The following GALNT15 variants were observed in gnomAD, a reference collection of about 807,000 sequenced individuals.
The protein encoded by GALNT15 is UDP-GalNAc transferase T15.
GALNT15 carries 67 observed loss-of-function variants against 66.8 expected under a neutral mutation model. That is an observed-to-expected ratio of 1.00 (90% CI 0.82 to 1.23). The LOEUF (loss-of-function observed/expected upper bound fraction) is 1.23, where lower values mean the gene tolerates loss of function less well. GALNT15 is among the 50% of genes most tolerant of loss of function. The probability of loss-of-function intolerance (pLI) is 0.00; values close to 1 mark genes in which losing one functional copy is unlikely to be tolerated. For missense variants in GALNT15, 827 were observed against 804.3 expected, an observed-to-expected ratio of 1.03 and a Z score of -0.34; for synonymous variants, 313 against 311.5, an observed-to-expected ratio of 1.00 and a Z score of -0.05.
chr3:16,232,451 AAAAT>A (rs1194898714), downstream of GALNT15, among the ~76,000 whole-genome samples: 203 of 67,554 alleles, frequency 3.0e-3, 7 homozygotes, highest in African/African-American at 4.0e-3. Context: ...GCCTGGCCTC[AAAAT>A]AAATAAATAA....
intron 9 of GALNT15, among the ~76,000 whole-genome samples, chr3:16,226,399 GA>G (rs59236720): frequency 0.12 from 17,462 of 151,194 alleles, 1,513 homozygotes; most frequent in African/African-American, 0.24. Context: ...GGTAGTTTAT[GA>G]AAAAAAAAGA....
chr3:16,234,477 T>C (rs1285556954), downstream of GALNT15, among the ~76,000 whole-genome samples: 1 of 152,202 alleles, frequency 6.6e-6, no homozygotes, highest in East Asian at 1.9e-4. Context: ...ACCTCTCCCA[T>C]GGGATAGCTC....
At position 16,181,789 on chromosome 3, in the gene GALNT15, C is replaced by A. The variant is rs558762465; in HGVS notation, c.539+6099C>A. Among the ~76,000 whole-genome samples the A allele has an allele frequency of 6.6e-6, 1 of 152,142 alleles. No homozygotes were observed. The highest frequency in any genetic ancestry group is 2.4e-5 in the African/African-American group (1 of 41,430). ...AATTCCCCCCACAAGAGAGGGAAGA[C>A]AACCCAGTATGGGCAGTGTGAGTGG... On this transcript the variant is annotated intron_variant, in intron 1 of 9. Coordinates refer to ENST00000339732, the MANE Select transcript of GALNT15 (RefSeq NM_054110.5). The surrounding 1 kb of genome is among the most constrained non-coding windows in gnomAD (Gnocchi z 5.9).
chr3:16,194,483 G>A (rs2063611512), intron 1 of GALNT15, among the ~76,000 whole-genome samples: 1 of 152,118 alleles, frequency 6.6e-6, no homozygotes. Flanking sequence ...CAATTTTGTA[G>A]GTTGTCTGTT....
In GALNT15 at chr3:16,219,296, C is replaced by T. The variant is rs2124897930; in HGVS notation, c.1393-107C>T. The T allele has an allele frequency of 6.8e-7, 1 of 1,461,056 alleles. No homozygotes were observed. Among genetic ancestry groups the T allele is most frequent in the East Asian group, 2.3e-5 (1 of 44,192 alleles). 90.5% of individuals were successfully genotyped at this position (1,461,056 alleles called of 1,614,324 possible). A position where few individuals can be genotyped will look rare whatever the true frequency, so the allele number is the denominator to read the frequency against. ...GGAGAACTGTGGTCTTGGCCCCTTCCTTCTGTCCTGATCCTTTAGCTTCTT... is the reference window on the plus strand; with the variant it reads ...GGAGAACTGTGGTCTTGGCCCCTTCTTTCTGTCCTGATCCTTTAGCTTCTT... On this transcript the variant is annotated intron_variant, in intron 6 of 9. Coordinates refer to ENST00000339732, the MANE Select transcript of GALNT15 (RefSeq NM_054110.5). The surrounding 1 kb of genome is among the most constrained non-coding windows in gnomAD (Gnocchi z 4.3).
intron 1 of GALNT15, among the ~76,000 whole-genome samples, chr3:16,179,507 G>C (rs1212406114): frequency 6.6e-6 from 1 of 152,174 alleles, no homozygotes; most frequent in Non-Finnish European, 1.5e-5. Flanking sequence ...TGAGGAGCTG[G>C]AAGCCACCAG....
intron 1 of GALNT15, among the ~76,000 whole-genome samples, chr3:16,194,525 G>A (rs896057150): frequency 1.2e-4 from 19 of 152,192 alleles, no homozygotes; most frequent in Admixed American, 1.2e-3. Context: ...GTGCAGAAGT[G>A]CACATGTATG....
chr3:16,239,818 A>G, the GALNT15 span, among the ~76,000 whole-genome samples: 2 of 152,170 alleles, frequency 1.3e-5, no homozygotes, highest in African/African-American at 4.8e-5. This position sits in a 1 kb window ranked among gnomAD's most constrained non-coding sequence, Gnocchi z 5.2. Flanking sequence ...TTCCCATGGG[A>G]TATATGATGA....
intron 3 of GALNT15, among the ~76,000 whole-genome samples, chr3:16,201,619 A>G (rs1017577019): frequency 6.6e-6 from 1 of 152,196 alleles, no homozygotes; most frequent in Non-Finnish European, 1.5e-5. Flanking sequence ...TTGTTTCCCC[A>G]GTTTATATAA....
intron 3 of GALNT15, among the ~76,000 whole-genome samples, chr3:16,206,671 T>TG (rs1290734087): frequency 1.7e-5 from 1 of 60,046 alleles, no homozygotes; most frequent in Non-Finnish European, 3.3e-5. Context: ...AGACTCTGTC[T>TG]AAAAAAAAAA....
At chr3:16,233,199 G>A (rs367638671), downstream of GALNT15, among the ~76,000 whole-genome samples, 2 of 146,718 alleles carry the variant, frequency 1.4e-5, no homozygotes, top group East Asian at 2.0e-4. Context: ...GGGTTCAAGC[G>A]ATTCTCTGCC....
In GALNT15 at chr3:16,229,342, T is replaced by G. The variant is rs1314969811; in HGVS notation, c.*1842T>G. 2 of 909,954 alleles carry G rather than the reference T, an allele frequency of 2.2e-6. No homozygotes were observed. The highest frequency in any genetic ancestry group is 2.6e-6 in the Non-Finnish European group (2 of 761,436). 56.4% of individuals were successfully genotyped at this position (909,954 alleles called of 1,614,324 possible). A position where few individuals can be genotyped will look rare whatever the true frequency, so the allele number is the denominator to read the frequency against. The stretch of plus-strand genomic sequence containing the variant: ...GAAATCCATTAAAATCAAAGAAAAT[T>G]TAAAACTCAATTCCTCAATTGGGCT... On this transcript the variant is annotated 3_prime_UTR_variant, in exon 10 of 10. Coordinates refer to ENST00000339732, the MANE Select transcript of GALNT15 (RefSeq NM_054110.5).
Position 16,188,114 on chromosome 3 carries a change from T to C in GALNT15, c.540-7646T>C, listed in dbSNP as rs1350910095. 6.6e-6 allele frequency among the ~76,000 whole-genome samples: 1 copy of C among 152,120 alleles called. No individual in the cohort carries two copies. The highest frequency in any genetic ancestry group is 2.4e-5 in the African/African-American group (1 of 41,436). ...CGTCGTCCAGGGCATGTGGCACATC[T>C]AGCACATCTAGCCTCACGCTCTTCC... On this transcript the variant is annotated intron_variant, in intron 1 of 9. Transcript: ENST00000339732. The surrounding 1 kb of genome is among the most constrained non-coding windows in gnomAD (Gnocchi z 4.6).
At chr3:16,199,695 G>A (rs2063678477) in intron 2 of GALNT15, among the ~76,000 whole-genome samples, 1 of 97,286 alleles carries the variant, frequency 1.0e-5, no homozygotes, top group South Asian at 2.9e-4. Context: ...TGATCCCATG[G>A]GGGACTCTGG....
chr3:16,232,465 AATAAATATATATATATAT>A (rs1314624354), downstream of GALNT15, among the ~76,000 whole-genome samples: 3 of 28,636 alleles, frequency 1.0e-4, no homozygotes, highest in African/African-American at 3.4e-4. Flanking sequence ...TAAATAAATA[AATAAATATATATATATAT>A]ATATATATAT....
At chr3:16,236,398 G>A (rs532364129), downstream of GALNT15, among the ~76,000 whole-genome samples, 7 of 152,268 alleles carry the variant, frequency 4.6e-5, no homozygotes, top group East Asian at 3.9e-4. Context: ...AAAAGGAGCC[G>A]AGCCATGGAC....
chr3:16,241,198 A>G, the GALNT15 span, among the ~76,000 whole-genome samples: 14 of 152,214 alleles, frequency 9.2e-5, no homozygotes, highest in Admixed American at 2.0e-4. The surrounding 1 kb of genome is among the most constrained non-coding windows in gnomAD (Gnocchi z 4.6). Context: ...ACTTTAAACA[A>G]ATTTTGCTTA....
At position 16,203,543 on chromosome 3, in the gene GALNT15, T is replaced by TCTCTCTCTCTCTCACACA. The variant is rs1491187404; in HGVS notation, c.911+2721_911+2722insTCTCTCTCTCTCACACAC. ...CATTCTCTCTCTCTCTCTCTCTCTC[T>TCTCTCTCTCTCTCACACA]CACACACACACACACACACACACAC... On this transcript the variant is annotated intron_variant, in intron 3 of 9. Coordinates refer to ENST00000339732, the MANE Select transcript of GALNT15 (RefSeq NM_054110.5). This position sits in a 1 kb window ranked among gnomAD's most constrained non-coding sequence, Gnocchi z 6.2. 3.3e-5 allele frequency among the ~76,000 whole-genome samples: 2 copies of TCTCTCTCTCTCTCACACA among 61,106 alleles called. No individual in the cohort carries two copies. Among genetic ancestry groups the TCTCTCTCTCTCTCACACA allele is most frequent in the African/African-American group, 1.1e-4 (2 of 18,252 alleles). The allele number at this position is 61,106 out of a possible 152,430, so 40.1% of individuals were successfully genotyped here. A position where few individuals can be genotyped will look rare whatever the true frequency, so the allele number is the denominator to read the frequency against.
chr3:16,227,990 G>T lies in GALNT15; in HGVS notation c.*490G>T. 1 of 990,682 alleles carries T rather than the reference G, an allele frequency of 1.0e-6. No individual in the cohort carries two copies. Among genetic ancestry groups the T allele is most frequent in the Non-Finnish European group, 1.2e-6 (1 of 833,552 alleles). The allele number at this position is 990,682 out of a possible 1,614,324, so 61.4% of individuals were successfully genotyped here. On this transcript the variant is annotated 3_prime_UTR_variant, in exon 10 of 10. Transcript: ENST00000339732. This position sits in a 1 kb window ranked among gnomAD's most constrained non-coding sequence, Gnocchi z 4.5. ...CTGAATTGGGTTTATTAGCACAAAT[G>T]TTGTGTTCATTTGTTGAGCCATATC...
Sources: gnomAD v4.1 joint callset for allele counts (sites outside exome capture counted in the v4.1 genomes callset) on GRCh38, gnomAD v4.1.1 for gene constraint, Gnocchi (gnomAD v3.1) non-coding constraint, MANE v1.5 for transcripts, NCBI Gene and HGNC (gene_info 2026-07-23, HGNC 2026-07-21) for gene names.